The following DNAH3 variants were observed in gnomAD, a reference collection of about 807,000 sequenced individuals.
DNAH3 encodes the protein axonemal beta dynein heavy chain 3.
A neutral mutation model predicts 432.5 loss-of-function variants in DNAH3; 332 were observed. That is an observed-to-expected ratio of 0.77 (90% CI 0.70 to 0.84). The LOEUF is 0.84. Among genes scored for constraint, DNAH3 ranks in the 40% least tolerant of loss-of-function variants. The pLI, the probability that DNAH3 is intolerant of heterozygous loss-of-function variation, is 0.00. For missense variants in DNAH3, 4,861 were observed against 5,114.0 expected (o/e 0.95, Z 1.51); for synonymous variants, 1,956 against 1,900.2 (o/e 1.03, Z -0.76).
rs377744172 is a variant in DNAH3, at chr16:20,964,889, C to T, written c.8995G>A (p.Val2999Met). ...GCCACAGTTCCTGAGGACAGCAACA[C>T]GTCACCAGTCAGATTAGTATAGCGG... The change falls in exon 53 of 62, where the codon GTG becomes ATG. Residue 2999 changes from valine (V) to methionine (M), a missense_variant. Coordinates refer to ENST00000261383, the Ensembl canonical transcript of DNAH3. 3,119 of 1,614,182 alleles carry T rather than the reference C, an allele frequency of 1.9e-3. 75 individuals are homozygous for T. In the South Asian group the frequency reaches 0.032, roughly 17 times the overall value.
At chr16:21,027,548 A>C (rs781433138) in intron 37 of DNAH3, among the ~76,000 whole-genome samples, 1 of 152,262 alleles carries the variant, frequency 6.6e-6, no homozygotes, top group Non-Finnish European at 1.5e-5. Flanking sequence ...CAAATAAAGT[A>C]TAACAAAGAG....
chr16:21,139,776 C>CTTTTTTTT (rs71275930), intron 5 of DNAH3, among the ~76,000 whole-genome samples: 1 of 86,226 alleles, frequency 1.2e-5, no homozygotes, highest in African/African-American at 4.9e-5. Flanking sequence ...CCACCTCATT[C>CTTTTTTTT]TTTTTTTTTT....
At chr16:21,142,846 G>A (rs1319989358) in intron 3 of DNAH3, among the ~76,000 whole-genome samples, 2 of 151,960 alleles carry the variant, frequency 1.3e-5, no homozygotes, top group Non-Finnish European at 2.9e-5. Context: ...TAGAGACGGG[G>A]TTTTGTCATG....
At chr16:21,154,820 G>A (rs937900379) in intron 1 of DNAH3, among the ~76,000 whole-genome samples, 3 of 152,190 alleles carry the variant, frequency 2.0e-5, no homozygotes, top group African/African-American at 7.2e-5. Flanking sequence ...ATCTGCCAAA[G>A]AGAGTGAAAG....
chr16:21,091,570 C>A (rs2091536404), intron 18 of DNAH3, among the ~76,000 whole-genome samples: 1 of 152,154 alleles, frequency 6.6e-6, no homozygotes, highest in African/African-American at 2.4e-5. Flanking sequence ...GTAATCCCAG[C>A]ACTTTGGGAG....
chr16:21,111,336 A>G (rs1413236624), intron 14 of DNAH3, among the ~76,000 whole-genome samples: 1 of 152,196 alleles, frequency 6.6e-6, no homozygotes, highest in Non-Finnish European at 1.5e-5. Flanking sequence ...AAGCCCAGGA[A>G]GCAGTTTGCA....
chr16:21,129,546 C>G (rs1235688767), intron 7 of DNAH3: 1 of 123,786 alleles, frequency 8.1e-6, no homozygotes, highest in Non-Finnish European at 1.6e-5. Flanking sequence ...GCCTGGCCAA[C>G]ATGGTGAAAC....
chr16:21,039,226 T>G, intron 33 of DNAH3, among the ~76,000 whole-genome samples: 1 of 84,672 alleles, frequency 1.2e-5, no homozygotes, highest in African/African-American at 3.8e-5. Flanking sequence ...TTTTTTTTTT[T>G]TTTTTTTTTT....
At chr16:20,990,675 A>T (rs928369653) in intron 44 of DNAH3, among the ~76,000 whole-genome samples, 8 of 152,170 alleles carry the variant, frequency 5.3e-5, no homozygotes, top group Non-Finnish European at 8.8e-5. Flanking sequence ...TGTATAGTTT[A>T]GTAAATCATT....
chr16:21,074,745 T>C (rs971465234), intron 21 of DNAH3, among the ~76,000 whole-genome samples: 1 of 151,452 alleles, frequency 6.6e-6, no homozygotes, highest in Non-Finnish European at 1.5e-5. Flanking sequence ...ACCAATGGTC[T>C]GCAGGATGTG....
chr16:21,070,845 C>T lies in DNAH3; in HGVS notation c.3085-19G>A, dbSNP rs751852054. ...TTGTATCCTGTAAATAAAGATGCCC[C>T]ACCCTGTCAAGATTGTGAAACCTCC... On this transcript the variant is annotated intron_variant, in intron 21 of 61. Transcript: ENST00000261383. The T allele has an allele frequency of 1.4e-6, 2 of 1,447,894 alleles. No homozygotes were observed. The highest frequency in any genetic ancestry group is 1.9e-6 in the Non-Finnish European group (2 of 1,032,438). The allele number at this position is 1,447,894 out of a possible 1,614,324, so 89.7% of individuals were successfully genotyped here.
exon 25 of DNAH3, chr16:21,062,485 G>A (rs768422358): frequency 3.7e-5 from 59 of 1,613,832 alleles, no homozygotes; most frequent in Non-Finnish European, 4.7e-5. Flanking sequence ...GAGTTACCTT[G>A]GCATTAGCTG....
intron 27 of DNAH3, 114 bp from the exon 28 acceptor site, chr16:21,054,648 T>C (rs1016596086): frequency 4.2e-6 from 3 of 718,270 alleles, no homozygotes; most frequent in Admixed American, 2.5e-5. Flanking sequence ...CTCCTGGGTG[T>C]CATCCCTCAA....
intron 8 of DNAH3, among the ~76,000 whole-genome samples, chr16:21,127,096 C>G (rs2092459259): frequency 6.6e-6 from 1 of 152,126 alleles, no homozygotes; most frequent in South Asian, 2.1e-4. Context: ...AACTGTCTTC[C>G]ACAAAACCAG....
intron 40 of DNAH3, among the ~76,000 whole-genome samples, chr16:21,020,397 A>ATATATATTT (rs1555530020): frequency 2.9e-5 from 1 of 34,594 alleles, no homozygotes; most frequent in Non-Finnish European, 4.6e-5. Flanking sequence ...ATATATATAT[A>ATATATATTT]TTTTTTTTTT....
rs188218363 is a variant in DNAH3, at chr16:21,102,432, A to C, written c.2366+2039T>G. On this transcript the variant is annotated intron_variant, in intron 16 of 61. Coordinates refer to ENST00000261383, the Ensembl canonical transcript of DNAH3. ...GAAGTTGAGAAGCGTTTTTCTCCCC[A>C]CAGAGGTCCCTGTTCAAAGGGAGAA... 3.7e-4 allele frequency among the ~76,000 whole-genome samples: 56 copies of C among 152,304 alleles called. 1 individual carries two copies. The East Asian group carries it at 8.9e-3, about 24-fold the overall frequency.
At chr16:21,003,154 A>G (rs1231258781) in exon 42 of DNAH3, 18 of 1,613,088 alleles carry the variant, frequency 1.1e-5, no homozygotes, top group Non-Finnish European at 1.5e-5. Context: ...TACTGTGTCC[A>G]CGTTTCCCAA....
At chr16:21,059,352 G>C (rs1159157188) in intron 26 of DNAH3, among the ~76,000 whole-genome samples, 1 of 152,106 alleles carries the variant, frequency 6.6e-6, no homozygotes, top group African/African-American at 2.4e-5. Flanking sequence ...ATAGGAAAAG[G>C]GACTGGTCTT....
intron 49 of DNAH3, 77 bp from the exon 50 acceptor site, chr16:20,979,623 T>A (rs1292807137): frequency 1.5e-6 from 2 of 1,321,608 alleles, no homozygotes; most frequent in Non-Finnish European, 2.2e-6. Flanking sequence ...GTTATAGACA[T>A]GAGGATATGA....
Sources: allele counts gnomAD v4.1 joint callset (sites outside exome capture counted in the v4.1 genomes callset), GRCh38; gene constraint gnomAD v4.1.1; transcripts MANE v1.5; gene names NCBI Gene and HGNC (gene_info 2026-07-23, HGNC 2026-07-21).